The following HACE1 variants were observed in gnomAD, a reference collection of about 807,000 sequenced individuals.
HACE1 encodes the protein HECT domain and ankyrin repeat containing E3 ubiquitin protein ligase 1.
HACE1 carries 73 observed loss-of-function variants against 118.4 expected under a neutral mutation model. That is an observed-to-expected ratio of 0.62 (90% CI 0.51 to 0.75). HACE1 has a LOEUF of 0.75. Among genes scored for constraint, HACE1 ranks in the 30% least tolerant of loss-of-function variants. The pLI, the probability that HACE1 is intolerant of heterozygous loss-of-function variation, is 0.00. For missense variants in HACE1, 749 were observed against 1,102.2 expected, an observed-to-expected ratio of 0.68 and a Z score of 4.54; for synonymous variants, 368 against 374.8, an observed-to-expected ratio of 0.98 and a Z score of 0.21.
intron 11 of HACE1, among the ~76,000 whole-genome samples, chr6:104,790,140 T>C (rs895544916): frequency 2.0e-5 from 3 of 151,822 alleles, no homozygotes; most frequent in African/African-American, 7.3e-5. Flanking sequence ...CTAAAAACTG[T>C]CCTTCCTAGA....
At chr6:104,770,668 G>A (rs180717310) in intron 19 of HACE1, among the ~76,000 whole-genome samples, 4 of 152,198 alleles carry the variant, frequency 2.6e-5, no homozygotes, top group East Asian at 3.9e-4. Context: ...GCAGTGAGCC[G>A]AGATCATACC....
At chr6:104,848,891 CTAAT>C (rs1161502005) in intron 4 of HACE1, among the ~76,000 whole-genome samples, 1 of 151,864 alleles carries the variant, frequency 6.6e-6, no homozygotes, top group Non-Finnish European at 1.5e-5. Context: ...TAGTGAGAAT[CTAAT>C]AAATTAATAA....
At chr6:104,780,198 A>G (rs1435177015) in intron 14 of HACE1, among the ~76,000 whole-genome samples, 1 of 152,152 alleles carries the variant, frequency 6.6e-6, no homozygotes, top group African/African-American at 2.4e-5. Context: ...GTGAACCAAG[A>G]AATAAAAACA....
chr6:104,782,854 C>G (rs7769270), intron 14 of HACE1, among the ~76,000 whole-genome samples: 1 of 151,980 alleles, frequency 6.6e-6, no homozygotes, highest in Non-Finnish European at 1.5e-5. Context: ...ACCACTTATC[C>G]TATTTATTAT....
intron 6 of HACE1, among the ~76,000 whole-genome samples, chr6:104,821,783 C>G (rs1240511123): frequency 6.6e-6 from 1 of 152,138 alleles, no homozygotes; most frequent in African/African-American, 2.4e-5. Flanking sequence ...ATTCAGATTA[C>G]TAAATAGTAT....
At chr6:104,771,440 T>C (rs1304417240) in intron 18 of HACE1, 51 bp from the exon 19 acceptor site, 4 of 1,191,874 alleles carry the variant, frequency 3.4e-6, no homozygotes, top group East Asian at 4.8e-5. Flanking sequence ...CCTTCCCTTA[T>C]CTATTTAATG....
chr6:104,799,673 A>G (rs1001109469), intron 7 of HACE1, among the ~76,000 whole-genome samples: 7 of 152,164 alleles, frequency 4.6e-5, no homozygotes, highest in Non-Finnish European at 1.0e-4. Flanking sequence ...TCCTTCAACA[A>G]TATCATGCTG....
At chr6:104,812,499 A>ACATCTGTT (rs1292375306) in intron 6 of HACE1, among the ~76,000 whole-genome samples, 1 of 152,156 alleles carries the variant, frequency 6.6e-6, no homozygotes, top group Non-Finnish European at 1.5e-5. Flanking sequence ...TGGATTGAAC[A>ACATCTGTT]CATCTGTTCA....
intron 19 of HACE1, among the ~76,000 whole-genome samples, chr6:104,762,689 A>G (rs1408739240): frequency 1.3e-5 from 2 of 152,128 alleles, no homozygotes; most frequent in African/African-American, 4.8e-5. Context: ...CCCAGAACTT[A>G]AAGTATAATT....
chr6:104,735,276 A>G (rs1159772908), intron 22 of HACE1, among the ~76,000 whole-genome samples: 1 of 152,126 alleles, frequency 6.6e-6, no homozygotes, highest in African/African-American at 2.4e-5. Context: ...TGGAATACCA[A>G]ATAATAAAGA....
intron 22 of HACE1, among the ~76,000 whole-genome samples, chr6:104,740,056 C>G (rs1380588631): frequency 2.0e-5 from 3 of 151,872 alleles, no homozygotes; most frequent in Non-Finnish European, 4.4e-5. Flanking sequence ...ACAAGCTGCT[C>G]CTGAATGACT....
intron 7 of HACE1, among the ~76,000 whole-genome samples, chr6:104,801,200 A>C (rs899605750): frequency 1.3e-5 from 2 of 152,246 alleles, no homozygotes; most frequent in African/African-American, 4.8e-5. Context: ...CAAAGCCTCC[A>C]AGAAATATGG....
At chr6:104,740,352 C>A (rs1776506985) in intron 22 of HACE1, among the ~76,000 whole-genome samples, 1 of 150,918 alleles carries the variant, frequency 6.6e-6, no homozygotes, top group African/African-American at 2.5e-5. Context: ...ACACAAAAAA[C>A]CCTTCAAAAA....
At chr6:104,758,930 C>T (rs1261899239) in intron 19 of HACE1, among the ~76,000 whole-genome samples, 1 of 150,706 alleles carries the variant, frequency 6.6e-6, no homozygotes, top group Non-Finnish European at 1.5e-5. Context: ...GACGTTAGAC[C>T]AAAGAAGATC....
At chr6:104,829,046 C>G (rs955646951) in intron 6 of HACE1, among the ~76,000 whole-genome samples, 4 of 151,854 alleles carry the variant, frequency 2.6e-5, no homozygotes, top group African/African-American at 9.7e-5. Context: ...AATTTTTTCC[C>G]CATTTAAAGT....
intron 22 of HACE1, among the ~76,000 whole-genome samples, chr6:104,738,633 A>C (rs1396062016): frequency 2.7e-5 from 4 of 149,460 alleles, no homozygotes; most frequent in Admixed American, 2.0e-4. Context: ...GAATAAAAAG[A>C]AATGAGCAAA....
chr6:104,756,424 A>ATAT (rs1427901051), intron 19 of HACE1, among the ~76,000 whole-genome samples: 10 of 122,096 alleles, frequency 8.2e-5, no homozygotes, highest in East Asian at 2.6e-4. Flanking sequence ...AAAAAAAAAA[A>ATAT]AAATATATAT....
At chr6:104,794,924 A>ATG (rs982379676) in intron 10 of HACE1, among the ~76,000 whole-genome samples, 122 of 151,240 alleles carry the variant, frequency 8.1e-4, no homozygotes, top group East Asian at 2.1e-3. Context: ...AATTGTATAT[A>ATG]TGTGTGTGTG....
intron 4 of HACE1, among the ~76,000 whole-genome samples, chr6:104,845,509 A>G (rs868494848): frequency 5.2e-5 from 7 of 135,662 alleles, no homozygotes; most frequent in African/African-American, 1.4e-4. Flanking sequence ...CAAGAGTCTC[A>G]CTCTGTCGCC....
Sources: allele counts gnomAD v4.1 joint callset (sites outside exome capture counted in the v4.1 genomes callset), GRCh38; gene constraint gnomAD v4.1.1; transcripts MANE v1.5; gene names NCBI Gene and HGNC (gene_info 2026-07-23, HGNC 2026-07-21).